Variants in ATAD3C observed in about 807,000 individuals in gnomAD.
The protein encoded by ATAD3C is ATPase family AAA domain-containing protein 3C.
A neutral mutation model predicts 46.3 loss-of-function variants in ATAD3C; 38 were observed. The observed-to-expected ratio is 0.82, with a 90% CI of 0.63 to 1.08. The LOEUF (loss-of-function observed/expected upper bound fraction) is 1.08, where lower values mean the gene tolerates loss of function less well. ATAD3C is among the 50% of genes least tolerant of loss of function. The probability of loss-of-function intolerance (pLI) is 0.00; values close to 1 mark genes in which losing one functional copy is unlikely to be tolerated. For missense variants in ATAD3C, 563 were observed against 572.7 expected (o/e 0.98, Z 0.17); for synonymous variants, 220 against 236.4 (o/e 0.93, Z 0.63).
chr1:1,453,265 C>T (rs573912092), intron 3 of ATAD3C, among the ~76,000 whole-genome samples: 1 of 152,218 alleles, frequency 6.6e-6, no homozygotes, highest in African/African-American at 2.4e-5. Flanking sequence ...TGCGGTGGCG[C>T]CACCTCGGCT....
intron 1 of ATAD3C, 149 bp downstream of exon 1, chr1:1,450,907 A>C: frequency 1.5e-6 from 2 of 1,344,580 alleles, no homozygotes; most frequent in Non-Finnish European, 2.0e-6. Context: ...CTCATTTCAC[A>C]GAAGGAAACA....
At chr1:1,466,559 T>G (rs925078234) in intron 11 of ATAD3C, among the ~76,000 whole-genome samples, 1 of 149,466 alleles carries the variant, frequency 6.7e-6, no homozygotes, top group Non-Finnish European at 1.5e-5. Context: ...AAAAAAAAAT[T>G]GTATTTGGCC....
At chr1:1,467,708 A>T (rs1259387160) in intron 11 of ATAD3C, among the ~76,000 whole-genome samples, 1 of 152,042 alleles carries the variant, frequency 6.6e-6, no homozygotes, top group East Asian at 1.9e-4. Context: ...CATGGCGCCC[A>T]GTGGGGGTCC....
Position 1,462,429 on chromosome 1 carries a change from C to A in ATAD3C, c.981-171C>A. The A allele has an allele frequency of 2.9e-6, 2 of 689,200 alleles. No individual in the cohort carries two copies. Among genetic ancestry groups the A allele is most frequent in the Non-Finnish European group, 5.0e-6 (2 of 402,026 alleles). The allele number at this position is 689,200 out of a possible 1,614,324, so 42.7% of individuals were successfully genotyped here. On this transcript the variant is annotated intron_variant, in intron 10 of 11. Coordinates refer to ENST00000378785, the MANE Select transcript of ATAD3C (RefSeq NM_001039211.3). This position sits in a 1 kb window ranked among gnomAD's most constrained non-coding sequence, Gnocchi z 4.5. ...CACAGCCGCCCCCTTCCTGCTCAGCCCAGGCCTGGCTTGCGTCAGGAAGGG... is the reference window on the plus strand; with the variant it reads ...CACAGCCGCCCCCTTCCTGCTCAGCACAGGCCTGGCTTGCGTCAGGAAGGG...
rs1156747431 is a variant in ATAD3C, at chr1:1,465,589, T to TAAA, written c.1090-2772_1090-2770dup. Among the ~76,000 whole-genome samples, 26 of 110,496 alleles carry TAAA rather than the reference T, an allele frequency of 2.4e-4. 2 individuals are homozygous for TAAA. The South Asian group carries it at 3.5e-3, about 15-fold the overall frequency. The allele number at this position is 110,496 out of a possible 152,430, so 72.5% of individuals were successfully genotyped here. Reference sequence around the variant, plus strand: ...CTGGGCGACAGAGCAAGACTGTCTTTAAAAAAAAAAAAAAAAAAAAAAAAA... The same window carrying TAAA: ...CTGGGCGACAGAGCAAGACTGTCTTTAAAAAAAAAAAAAAAAAAAAAAAAAAAA... On this transcript the variant is annotated intron_variant, in intron 11 of 11. Transcript: ENST00000378785.
In ATAD3C at chr1:1,454,601, C is replaced by A. The variant is rs1638921405; in HGVS notation, c.378+101C>A. 17 of 1,471,944 alleles carry A rather than the reference C, an allele frequency of 1.2e-5. 1 individual carries two copies. Among genetic ancestry groups the A allele is most frequent in the African/African-American group, 1.5e-5 (1 of 65,310 alleles). 91.2% of individuals were successfully genotyped at this position (1,471,944 alleles called of 1,614,324 possible). ...GCATATACTCCTGTCCCTTCCCTTT[C>A]CCCGGATAACAGGCACCCGCACGCT... is the stretch of plus-strand genomic sequence containing the variant. On this transcript the variant is annotated intron_variant, in intron 4 of 11. Transcript: ENST00000378785.
At chr1:1,453,733 G>T (rs373425418) in intron 3 of ATAD3C, among the ~76,000 whole-genome samples, 1 of 151,490 alleles carries the variant, frequency 6.6e-6, no homozygotes, top group South Asian at 2.1e-4. Flanking sequence ...TCCGACTCGC[G>T]GGTTCAAGTG....
chr1:1,453,066 G>A (rs534489388), intron 3 of ATAD3C, among the ~76,000 whole-genome samples: 1 of 152,066 alleles, frequency 6.6e-6, no homozygotes, highest in Admixed American at 6.6e-5. Flanking sequence ...CTGCCGTGGT[G>A]CCAGCACCCA....
intron 4 of ATAD3C, 139 bp from the exon 5 acceptor site, chr1:1,455,321 G>A (rs1008413212): frequency 2.8e-5 from 35 of 1,261,608 alleles, no homozygotes; most frequent in Non-Finnish European, 2.4e-5. Flanking sequence ...TCCCGGCGGG[G>A]CGGGGTTCCA....
intron 9 of ATAD3C, 23 bp from the exon 10 acceptor site, chr1:1,460,727 C>T: frequency 6.3e-7 from 1 of 1,585,210 alleles, no homozygotes; most frequent in Non-Finnish European, 8.6e-7. Flanking sequence ...CCCAGCGTTT[C>T]CTTCCCCATC....
At position 1,454,525 on chromosome 1, in the gene ATAD3C, C is replaced by T. The variant is rs564313705; in HGVS notation, c.378+25C>T. On this transcript the variant is annotated intron_variant, in intron 4 of 11. Transcript: ENST00000378785. ...GGTAGCGGCGCAGGCCTGGCCCTCC[C>T]TGAGTGCAAGTGCCTGGCTGAGTCC... The T allele has an allele frequency of 1.7e-4, 277 of 1,598,166 alleles. 2 individuals are homozygous for T. The highest frequency in any genetic ancestry group is 2.3e-4 in the Middle Eastern group (1 of 4,436).
chr1:1,458,230 T>C (rs991993643), intron 8 of ATAD3C, among the ~76,000 whole-genome samples: 5 of 151,830 alleles, frequency 3.3e-5, no homozygotes, highest in Non-Finnish European at 5.9e-5. Flanking sequence ...ATCTGCCCGC[T>C]GCTGCCTCCC....
Position 1,457,173 on chromosome 1 carries a change from G to A in ATAD3C, c.734G>A (p.Arg245Gln), listed in dbSNP as rs777938297. 2.7e-5 allele frequency: 43 copies of A among 1,613,370 alleles called. 1 individual carries two copies. The highest frequency in any genetic ancestry group is 9.3e-5 in the African/African-American group (7 of 74,896). Residue 245 changes from arginine to glutamine, a missense_variant, in exon 8 of 12, where the codon CGA becomes CAA. By Grantham distance (43) the Arg-to-Gln change is conservative. This residue lies in a region of ATAD3C where 273 missense variants were observed against 253.5 expected (regional missense o/e 1.08). Coordinates refer to ENST00000378785, the MANE Select transcript of ATAD3C (RefSeq NM_001039211.3). ...GAAGCGGACGCCTTCCTTCGGAAGC[G>A]AGCCACTGTGAGTGTCACTAAGCCT... ...VDEADAFLRK[R>Q]ATEKISEDLR... is the part of the protein sequence containing the mutation.
At position 1,460,853 on chromosome 1, in the gene ATAD3C, C is replaced by T. The variant is rs770242105; in HGVS notation, c.916C>T (p.Arg306Trp). ...CTTCGACCTGCCAGGGCAGGAGGAG[C>T]GGGCGCGCCTGGTGAGAATGTATCT... The part of the protein sequence containing the change: ...VHFDLPGQEE[R>W]ARLVRMYLNE... Residue 306 changes from arginine to tryptophan, a missense_variant, in exon 10 of 12, where the codon CGG becomes TGG. Physicochemically the swap from Arg to Trp is moderately radical, Grantham distance 101. Transcript: ENST00000378785. 90 of 1,612,968 alleles carry T rather than the reference C, an allele frequency of 5.6e-5. 2 individuals are homozygous for T. The highest frequency in any genetic ancestry group is 6.8e-5 in the Non-Finnish European group (80 of 1,179,446).
rs200910464 is a variant in ATAD3C, at chr1:1,458,730, G to GTTT, written c.742-421_742-419dup. Among the ~76,000 whole-genome samples, 35 of 141,690 alleles carry GTTT rather than the reference G, an allele frequency of 2.5e-4. 1 individual carries two copies. Among genetic ancestry groups the GTTT allele is most frequent in the East Asian group, 1.4e-3 (7 of 4,864 alleles). 93.0% of individuals were successfully genotyped at this position (141,690 alleles called of 152,430 possible). ...GAGCCCCCACGCCCAGTCAGGGTTT[G>GTTT]TTTTTTTTTTTTGAGACAGTCTCAC... On this transcript the variant is annotated intron_variant, in intron 8 of 11. Transcript: ENST00000378785.
In ATAD3C at chr1:1,459,381, G is replaced by T; in HGVS notation, c.812+150G>T. On this transcript the variant is annotated intron_variant, in intron 9 of 11. Coordinates refer to ENST00000378785, the MANE Select transcript of ATAD3C (RefSeq NM_001039211.3). The surrounding 1 kb of genome is among the most constrained non-coding windows in gnomAD (Gnocchi z 4.9). ...CCCACCTTGGATGTCCCCTGGGAAC[G>T]GCCCAGCTCAGGACAGCACGGGGTG... is the stretch of plus-strand genomic sequence containing the variant. The T allele has an allele frequency of 1.6e-5, 24 of 1,507,712 alleles. No individual in the cohort carries two copies. Among genetic ancestry groups the T allele is most frequent in the Non-Finnish European group, 2.0e-5 (23 of 1,128,412 alleles). The allele number at this position is 1,507,712 out of a possible 1,614,324, so 93.4% of individuals were successfully genotyped here. A position where few individuals can be genotyped will look rare whatever the true frequency, so the allele number is the denominator to read the frequency against.
At chr1:1,457,523 G>C (rs1395118335) in intron 8 of ATAD3C, among the ~76,000 whole-genome samples, 2 of 146,706 alleles carry the variant, frequency 1.4e-5, no homozygotes, top group Admixed American at 1.4e-4. Flanking sequence ...GTGAACCCGG[G>C]AGGCGAAGCT....
At position 1,455,859 on chromosome 1, in the gene ATAD3C, G is replaced by A. The variant is rs753975625; in HGVS notation, c.507G>A (p.Leu169=). The A allele has an allele frequency of 2.5e-6, 4 of 1,613,480 alleles. No homozygotes were observed. The Admixed American group carries it at 5.0e-5, about 20-fold the overall frequency. Residue 169 remains leucine (L), a synonymous_variant, in exon 6 of 12, where the codon CTG becomes CTA. Transcript: ENST00000378785. ...GGAACATCAAGAAGAACCGGGGCCT[G>A]TACAGGCACATCCTGCTGTACGGGC... The part of the protein sequence containing the change: ...MTRNIKKNRG[L]YRHILLYGPP...
At position 1,452,286 on chromosome 1, in the gene ATAD3C, G is replaced by A. The variant is rs558122871; in HGVS notation, c.153-79G>A. The A allele has an allele frequency of 2.0e-4, 322 of 1,606,678 alleles. 1 individual carries two copies. In the African/African-American group the frequency reaches 3.7e-3, roughly 18 times the overall value. ...TGGCAGGACCAGGCTGCTGTGTCAAGGCCTCACCCTCAACCTGTTCTTGCT... is the reference window on the plus strand; with the variant it reads ...TGGCAGGACCAGGCTGCTGTGTCAAAGCCTCACCCTCAACCTGTTCTTGCT... On this transcript the variant is annotated intron_variant, in intron 2 of 11. Transcript: ENST00000378785.
Sources: gnomAD v4.1 joint callset for allele counts (sites outside exome capture counted in the v4.1 genomes callset) on GRCh38, gnomAD v4.1.1 for gene constraint, gnomAD v4.1.1 regional missense constraint, Gnocchi (gnomAD v3.1) non-coding constraint, MANE v1.5 for transcripts, NCBI Gene and HGNC (gene_info 2026-07-23, HGNC 2026-07-21) for gene names.